Variants in ARHGEF3 observed in about 807,000 individuals in gnomAD.
ARHGEF3 encodes 59.8 kDA protein.
A neutral mutation model predicts 63.2 loss-of-function variants in ARHGEF3; 28 were observed. The observed-to-expected ratio is 0.44, with a 90% CI of 0.33 to 0.61. The LOEUF is 0.61. Among genes scored for constraint, ARHGEF3 ranks in the 20% least tolerant of loss-of-function variants. The probability of loss-of-function intolerance (pLI) is 0.03; values close to 1 mark genes in which losing one functional copy is unlikely to be tolerated. For missense variants in ARHGEF3, 533 were observed against 659.3 expected, an observed-to-expected ratio of 0.81 and a Z score of 2.10; for synonymous variants, 266 against 254.2, an observed-to-expected ratio of 1.05 and a Z score of -0.44.
At chr3:57,005,899 C>T (rs996177506) in intron 2 of ARHGEF3, among the ~76,000 whole-genome samples, 12 of 152,308 alleles carry the variant, frequency 7.9e-5, no homozygotes, top group South Asian at 4.1e-4. Context: ...AAGTTTTTTA[C>T]GTATGCGATC....
At chr3:57,026,724 T>C (rs1703490993) in intron 2 of ARHGEF3, among the ~76,000 whole-genome samples, 1 of 152,218 alleles carries the variant, frequency 6.6e-6, no homozygotes, top group South Asian at 2.1e-4. Flanking sequence ...TTTTCCTGCC[T>C]GTTGTGCTAC....
chr3:56,733,984 CAA>C (rs777924213), intron 8 of ARHGEF3, among the ~76,000 whole-genome samples: 6,126 of 54,736 alleles, frequency 0.11, 84 homozygotes, highest in East Asian at 0.12. Flanking sequence ...AATTCTGTCT[CAA>C]AAAAAAAAAA....
chr3:56,941,883 C>T (rs1397079587), intron 3 of ARHGEF3, among the ~76,000 whole-genome samples: 2 of 152,162 alleles, frequency 1.3e-5, no homozygotes, highest in Non-Finnish European at 2.9e-5. Context: ...ATATGCTTTA[C>T]ATTATATGCC....
At chr3:56,863,198 C>T (rs932078829) in intron 4 of ARHGEF3, among the ~76,000 whole-genome samples, 4 of 148,440 alleles carry the variant, frequency 2.7e-5, no homozygotes, top group South Asian at 2.1e-4. Flanking sequence ...AGTGCAGTGG[C>T]GCGATCTCGG....
At chr3:57,042,692 A>AT (rs1447905041) in intron 1 of ARHGEF3, among the ~76,000 whole-genome samples, 2 of 23,958 alleles carry the variant, frequency 8.3e-5, no homozygotes, top group African/African-American at 1.4e-4. Context: ...ATATATATAT[A>AT]TATATATATT....
intron 2 of ARHGEF3, among the ~76,000 whole-genome samples, chr3:57,008,951 G>A (rs1213632979): frequency 6.6e-6 from 1 of 152,212 alleles, no homozygotes; most frequent in Non-Finnish European, 1.5e-5. Flanking sequence ...CATGAGAATT[G>A]GGAAGTTTTA....
At chr3:56,857,772 T>C (rs957898720) in intron 4 of ARHGEF3, among the ~76,000 whole-genome samples, 9 of 152,158 alleles carry the variant, frequency 5.9e-5, no homozygotes, top group African/African-American at 2.2e-4. Context: ...AACAGCCTCT[T>C]ACTATGTTGC....
chr3:57,023,662 T>G (rs1044832736), intron 2 of ARHGEF3, among the ~76,000 whole-genome samples: 1 of 152,202 alleles, frequency 6.6e-6, no homozygotes, highest in Non-Finnish European at 1.5e-5. Flanking sequence ...ATGCTGTCTT[T>G]GCTTCCGGCA....
At chr3:57,063,086 T>C (rs1705319798) in intron 1 of ARHGEF3, among the ~76,000 whole-genome samples, 1 of 152,122 alleles carries the variant, frequency 6.6e-6, no homozygotes, top group African/African-American at 2.4e-5. Context: ...CAGGGAAGGC[T>C]GAAGGAAATG....
intron 1 of ARHGEF3, among the ~76,000 whole-genome samples, chr3:57,056,647 T>C (rs560929531): frequency 2.0e-5 from 3 of 152,180 alleles, no homozygotes; most frequent in African/African-American, 7.2e-5. Context: ...GAGATGTGGA[T>C]TTTTTTCTAA....
At chr3:56,799,992 GTC>G (rs2037562033) in intron 1 of ARHGEF3, among the ~76,000 whole-genome samples, 1 of 152,098 alleles carries the variant, frequency 6.6e-6, no homozygotes, top group Non-Finnish European at 1.5e-5. Context: ...ATATTTTATA[GTC>G]TAGATCCAGC....
intron 1 of ARHGEF3, among the ~76,000 whole-genome samples, chr3:56,796,232 T>A (rs2037357187): frequency 6.6e-6 from 1 of 152,204 alleles, no homozygotes; most frequent in African/African-American, 2.4e-5. Context: ...ATCAGTAATT[T>A]ATTTTCTTTC....
chr3:56,793,545 C>T (rs111360067), intron 1 of ARHGEF3, among the ~76,000 whole-genome samples: 125 of 152,160 alleles, frequency 8.2e-4, no homozygotes, highest in African/African-American at 2.8e-3. Context: ...TCAGGTGATC[C>T]GCCCGCCTCG....
At chr3:57,046,606 G>T (rs1156877570) in intron 1 of ARHGEF3, among the ~76,000 whole-genome samples, 2 of 152,194 alleles carry the variant, frequency 1.3e-5, no homozygotes, top group Non-Finnish European at 2.9e-5. Flanking sequence ...ATCTTAGTGA[G>T]CTGCTCACCC....
intron 3 of ARHGEF3, among the ~76,000 whole-genome samples, chr3:56,902,563 C>T (rs1243162034): frequency 6.6e-6 from 1 of 152,180 alleles, no homozygotes; most frequent in Non-Finnish European, 1.5e-5. Context: ...ATATAATTTG[C>T]AGGACCTGAC....
chr3:56,895,073 G>T (rs947829247), intron 3 of ARHGEF3, among the ~76,000 whole-genome samples: 1 of 152,102 alleles, frequency 6.6e-6, no homozygotes, highest in Non-Finnish European at 1.5e-5. Flanking sequence ...TGGTGTTTAG[G>T]GGCCCTCTAC....
At chr3:57,021,789 A>T (rs937861450) in intron 2 of ARHGEF3, among the ~76,000 whole-genome samples, 3 of 152,020 alleles carry the variant, frequency 2.0e-5, no homozygotes, top group African/African-American at 7.2e-5. Flanking sequence ...AGCATTTACC[A>T]ATCCAATTAG....
At chr3:56,746,812 A>C (rs1578399684) in intron 6 of ARHGEF3, among the ~76,000 whole-genome samples, 1 of 152,122 alleles carries the variant, frequency 6.6e-6, no homozygotes, top group African/African-American at 2.4e-5. Flanking sequence ...CAGCTTTTAC[A>C]CCTCTTATTG....
chr3:56,858,310 C>T (rs542703057), intron 4 of ARHGEF3, among the ~76,000 whole-genome samples: 1 of 150,354 alleles, frequency 6.7e-6, no homozygotes, highest in Non-Finnish European at 1.5e-5. Context: ...TATCCATTCA[C>T]TGTATCCACA....
Sources: allele counts gnomAD v4.1 joint callset (sites outside exome capture counted in the v4.1 genomes callset), GRCh38; gene constraint gnomAD v4.1.1; transcripts MANE v1.5; gene names NCBI Gene and HGNC (gene_info 2026-07-23, HGNC 2026-07-21).